Variants in RANBP2 observed in about 807,000 individuals in gnomAD.
The protein encoded by RANBP2 is E3 SUMO-protein ligase RanBP2.
A neutral mutation model predicts 303.6 loss-of-function variants in RANBP2; 57 were observed. The ratio of observed to expected loss-of-function variants is 0.19; its 90% CI spans 0.15 to 0.23. RANBP2 has a LOEUF of 0.23. RANBP2 is among the 10% of genes least tolerant of loss of function. RANBP2 has a pLI of 1.00. For missense variants in RANBP2, 3,138 were observed against 3,780.8 expected (o/e 0.83, Z 4.46); for synonymous variants, 1,167 against 1,301.5 (o/e 0.90, Z 2.23).
the RANBP2 span, chr2:109,615,068 G>C: frequency 1.9e-6 from 3 of 1,549,398 alleles, no homozygotes; most frequent in South Asian, 3.6e-5. Flanking sequence ...GCTCCCTTGT[G>C]GGGGCTACCG....
At chr2:109,137,847 C>T in the RANBP2 span, among the ~76,000 whole-genome samples, 2 of 152,226 alleles carry the variant, frequency 1.3e-5, no homozygotes, top group East Asian at 1.9e-4. Context: ...GTCAAGGAAT[C>T]CTTCAGATGA....
At chr2:108,728,576 C>T (rs1388365261) in intron 1 of RANBP2, among the ~76,000 whole-genome samples, 1 of 148,688 alleles carries the variant, frequency 6.7e-6, no homozygotes, top group African/African-American at 2.5e-5. Flanking sequence ...AAGGTGTGAC[C>T]AACTGCACCC....
chr2:109,418,165 C>A, the RANBP2 span, among the ~76,000 whole-genome samples: 1 of 152,150 alleles, frequency 6.6e-6, no homozygotes, highest in South Asian at 2.1e-4. Context: ...TCCTGTGCTC[C>A]AGTTTCTGCT....
the RANBP2 span, among the ~76,000 whole-genome samples, chr2:109,686,377 C>T: frequency 6.6e-6 from 1 of 152,114 alleles, no homozygotes; most frequent in Non-Finnish European, 1.5e-5. Flanking sequence ...TGCAGTGGCA[C>T]AATCTCGGCT....
chr2:109,038,251 C>G, the RANBP2 span, among the ~76,000 whole-genome samples: 3 of 152,330 alleles, frequency 2.0e-5, no homozygotes, highest in Middle Eastern at 3.4e-3. Flanking sequence ...TGAACCTTGA[C>G]TTGTCTCAAA....
At chr2:108,856,777 A>G in the RANBP2 span, 3 of 1,609,614 alleles carry the variant, frequency 1.9e-6, no homozygotes, top group South Asian at 2.2e-5. Context: ...AGTTGATTGT[A>G]CATAACTATT....
chr2:109,210,909 C>G, the RANBP2 span, among the ~76,000 whole-genome samples: 5 of 152,194 alleles, frequency 3.3e-5, no homozygotes, highest in Non-Finnish European at 7.4e-5. Context: ...CCACTTGACA[C>G]GTGGTGGAAT....
At chr2:109,518,669 T>C in the RANBP2 span, among the ~76,000 whole-genome samples, 6 of 152,206 alleles carry the variant, frequency 3.9e-5, no homozygotes, top group African/African-American at 7.2e-5. Flanking sequence ...TTTTTTTTAA[T>C]GCATTCTCAC....
chr2:109,549,547 A>T, the RANBP2 span, among the ~76,000 whole-genome samples: 24 of 152,324 alleles, frequency 1.6e-4, no homozygotes, highest in Admixed American at 2.6e-4. Flanking sequence ...CAGGCAGTTA[A>T]TTCAAATACA....
the RANBP2 span, among the ~76,000 whole-genome samples, chr2:109,313,367 C>T: frequency 4.6e-5 from 7 of 152,230 alleles, no homozygotes; most frequent in Non-Finnish European, 7.3e-5. Flanking sequence ...GCCTAATGCA[C>T]AGCCCGGGAT....
At chr2:109,658,870 G>A in the RANBP2 span, among the ~76,000 whole-genome samples, 1 of 152,110 alleles carries the variant, frequency 6.6e-6, no homozygotes, top group Admixed American at 6.5e-5. Flanking sequence ...TTCGAGACTA[G>A]CCTGGCCAAC....
At chr2:109,497,581 G>T in the RANBP2 span, among the ~76,000 whole-genome samples, 4 of 152,222 alleles carry the variant, frequency 2.6e-5, no homozygotes, top group Non-Finnish European at 5.9e-5. Flanking sequence ...TGACCTGGGA[G>T]TAGCTGTCAT....
chr2:108,723,318 C>T (rs1468971731), intron 1 of RANBP2, among the ~76,000 whole-genome samples: 2 of 148,250 alleles, frequency 1.3e-5, no homozygotes, highest in African/African-American at 2.5e-5. Flanking sequence ...CTCGCTCTAT[C>T]GTCCAGGCTG....
At chr2:109,734,465 T>TA in the RANBP2 span, among the ~76,000 whole-genome samples, 2 of 152,100 alleles carry the variant, frequency 1.3e-5, no homozygotes, top group African/African-American at 4.8e-5. Context: ...CTATAAAAGA[T>TA]AAAAACTACA....
the RANBP2 span, among the ~76,000 whole-genome samples, chr2:109,374,808 G>T: frequency 1.3e-5 from 2 of 152,212 alleles, no homozygotes; most frequent in Non-Finnish European, 2.9e-5. Flanking sequence ...GGGGTTCACC[G>T]AGGGACTCTC....
chr2:109,235,238 C>A, the RANBP2 span, among the ~76,000 whole-genome samples: 3 of 152,136 alleles, frequency 2.0e-5, no homozygotes, highest in Non-Finnish European at 4.4e-5. Context: ...ATAGATCAAC[C>A]CTGAATAGTT....
At chr2:109,008,026 G>C in the RANBP2 span, among the ~76,000 whole-genome samples, 2 of 151,994 alleles carry the variant, frequency 1.3e-5, no homozygotes, top group African/African-American at 4.8e-5. Context: ...CGATTTTTGT[G>C]AAATGGTAAA....
the RANBP2 span, among the ~76,000 whole-genome samples, chr2:109,180,614 C>T: frequency 6.6e-5 from 10 of 152,158 alleles, no homozygotes; most frequent in African/African-American, 1.2e-4. Flanking sequence ...ATAAGTCTCA[C>T]GAGATCTGAT....
At chr2:109,364,354 A>G in the RANBP2 span, among the ~76,000 whole-genome samples, 1 of 152,174 alleles carries the variant, frequency 6.6e-6, no homozygotes, top group African/African-American at 2.4e-5. Context: ...CTTTGCTTAC[A>G]TCACCCATCT....
Sources: gnomAD v4.1 joint callset for allele counts (sites outside exome capture counted in the v4.1 genomes callset) on GRCh38, gnomAD v4.1.1 for gene constraint, MANE v1.5 for transcripts, NCBI Gene and HGNC (gene_info 2026-07-23, HGNC 2026-07-21) for gene names.